SUGCT: variants seen among roughly 807,000 people sequenced by gnomAD.
SUGCT encodes the protein succinyl-CoA:glutarate CoA-transferase.
SUGCT carries 41 observed loss-of-function variants against 55.0 expected under a neutral mutation model. The ratio of observed to expected loss-of-function variants is 0.74; its 90% CI spans 0.58 to 0.97. The LOEUF (loss-of-function observed/expected upper bound fraction) is 0.97. SUGCT is among the 50% of genes least tolerant of loss of function. SUGCT has a pLI of 0.00. For missense variants in SUGCT, 568 were observed against 547.8 expected, an observed-to-expected ratio of 1.04 and a Z score of -0.37; for synonymous variants, 187 against 200.4, an observed-to-expected ratio of 0.93 and a Z score of 0.56.
chr7:40,289,217 T>TA (rs950954153), intron 8 of SUGCT, among the ~76,000 whole-genome samples: 53 of 146,302 alleles, frequency 3.6e-4, no homozygotes, highest in Non-Finnish European at 5.1e-4. Context: ...CTAATGAAAC[T>TA]AAAAAAAAAA....
chr7:40,756,569 C>A (rs1459524625), intron 13 of SUGCT, among the ~76,000 whole-genome samples: 1 of 152,136 alleles, frequency 6.6e-6, no homozygotes, highest in Non-Finnish European at 1.5e-5. Flanking sequence ...TCTGAAATCA[C>A]ATGTCCTCAA....
intron 12 of SUGCT, among the ~76,000 whole-genome samples, chr7:40,628,805 A>G (rs1006945155): frequency 6.6e-6 from 1 of 151,714 alleles, no homozygotes; most frequent in Non-Finnish European, 1.5e-5. Context: ...CAGTGGCACA[A>G]TCTCAGCTCA....
chr7:40,180,440 A>G (rs1156921495), intron 1 of SUGCT, among the ~76,000 whole-genome samples: 1 of 151,976 alleles, frequency 6.6e-6, no homozygotes, highest in East Asian at 1.9e-4. Flanking sequence ...TTCTTACAAA[A>G]TAATAAATTG....
intron 9 of SUGCT, among the ~76,000 whole-genome samples, chr7:40,364,316 T>C (rs1783809129): frequency 6.6e-6 from 1 of 151,682 alleles, no homozygotes; most frequent in Non-Finnish European, 1.5e-5. Flanking sequence ...CCATTTACAT[T>C]TAAAGTTAAT....
the SUGCT span, among the ~76,000 whole-genome samples, chr7:41,018,656 G>A: frequency 0.014 from 2,059 of 152,234 alleles, 45 homozygotes; most frequent in African/African-American, 0.045. Context: ...ATGGGACTCC[G>A]TAAGTTTCAA....
chr7:40,330,176 C>T (rs530133685), intron 9 of SUGCT, among the ~76,000 whole-genome samples: 362 of 152,250 alleles, frequency 2.4e-3, no homozygotes, highest in South Asian at 4.1e-3. Context: ...TTAGCATCAG[C>T]CTCTAAGATG....
intron 11 of SUGCT, among the ~76,000 whole-genome samples, chr7:40,467,984 A>G (rs1330536954): frequency 7.0e-6 from 1 of 142,472 alleles, no homozygotes; most frequent in Non-Finnish European, 1.5e-5. Context: ...TTTTTTTTTT[A>G]ACTAAAAGAG....
At chr7:40,497,487 C>T (rs1236004118) in intron 12 of SUGCT, among the ~76,000 whole-genome samples, 1 of 152,028 alleles carries the variant, frequency 6.6e-6, no homozygotes, top group Non-Finnish European at 1.5e-5. Flanking sequence ...AAACTTTGGT[C>T]AATAATGGTC....
the SUGCT span, among the ~76,000 whole-genome samples, chr7:40,941,958 T>G: frequency 1.3e-5 from 2 of 152,116 alleles, no homozygotes; most frequent in Admixed American, 1.3e-4. Flanking sequence ...ATAAGAGTCT[T>G]TATGTGTTAG....
At chr7:40,349,440 T>G (rs1218848410) in intron 9 of SUGCT, among the ~76,000 whole-genome samples, 1 of 151,810 alleles carries the variant, frequency 6.6e-6, no homozygotes, top group Admixed American at 6.6e-5. Flanking sequence ...GTGACTAACT[T>G]TTTACACTTG....
the SUGCT span, among the ~76,000 whole-genome samples, chr7:40,952,198 T>A: frequency 6.6e-6 from 1 of 152,178 alleles, no homozygotes; most frequent in Non-Finnish European, 1.5e-5. Context: ...ATCCCTTTAC[T>A]ATTATGTAAT....
At chr7:40,221,975 A>G (rs918023227) in intron 6 of SUGCT, among the ~76,000 whole-genome samples, 1 of 152,198 alleles carries the variant, frequency 6.6e-6, no homozygotes, top group Non-Finnish European at 1.5e-5. Context: ...ATATTTAGAG[A>G]CTAAGAGAAT....
intron 12 of SUGCT, among the ~76,000 whole-genome samples, chr7:40,738,176 G>A (rs1301683753): frequency 1.4e-5 from 2 of 143,872 alleles, no homozygotes; most frequent in African/African-American, 2.6e-5. Context: ...CAGCCTGGGT[G>A]AGAGAGCGAG....
intron 12 of SUGCT, among the ~76,000 whole-genome samples, chr7:40,599,325 A>G (rs71536691): frequency 3.9e-5 from 6 of 152,094 alleles, no homozygotes; most frequent in Non-Finnish European, 8.8e-5. Context: ...AAGGGTAAGG[A>G]ATGTTTTTAT....
the SUGCT span, among the ~76,000 whole-genome samples, chr7:40,934,777 G>C: frequency 2.0e-5 from 3 of 152,188 alleles, no homozygotes; most frequent in Admixed American, 2.0e-4. Flanking sequence ...CTGATCTGCC[G>C]GTTGCTAAGG....
At chr7:40,419,629 C>G (rs1787199506) in intron 9 of SUGCT, among the ~76,000 whole-genome samples, 1 of 152,148 alleles carries the variant, frequency 6.6e-6, no homozygotes, top group South Asian at 2.1e-4. Context: ...GCGTGCTCAT[C>G]TCTTTGTGAA....
At chr7:40,846,205 A>C (rs1793547431) in intron 13 of SUGCT, among the ~76,000 whole-genome samples, 1 of 152,230 alleles carries the variant, frequency 6.6e-6, no homozygotes, top group Admixed American at 6.5e-5. Context: ...AACCAAACAA[A>C]GTCTTGGGAA....
At chr7:40,684,045 G>A (rs1784363178) in intron 12 of SUGCT, 1 of 1,612,218 alleles carries the variant, frequency 6.2e-7, no homozygotes, top group Non-Finnish European at 8.5e-7. Context: ...TTCTTTGCTG[G>A]TTGTCAATAG....
At chr7:40,239,488 C>G (rs1789235971) in intron 7 of SUGCT, among the ~76,000 whole-genome samples, 2 of 152,120 alleles carry the variant, frequency 1.3e-5, no homozygotes, top group Admixed American at 1.3e-4. Flanking sequence ...CCAAGACATT[C>G]TTTATTGTGA....
Sources: allele counts gnomAD v4.1 joint callset (sites outside exome capture counted in the v4.1 genomes callset), GRCh38; gene constraint gnomAD v4.1.1; transcripts MANE v1.5; gene names NCBI Gene and HGNC (gene_info 2026-07-23, HGNC 2026-07-21).